The following ASB15 variants were observed in gnomAD, a reference collection of about 807,000 sequenced individuals.
ASB15 encodes the protein ankyrin repeat and SOCS box protein 15.
ASB15 carries 54 observed loss-of-function variants against 58.0 expected under a neutral mutation model. The observed-to-expected ratio is 0.93, with a 90% CI of 0.75 to 1.17. The LOEUF is 1.17. ASB15 is among the 50% of genes most tolerant of loss of function. The pLI is 0.00. For synonymous variants in ASB15, 249 were observed against 262.4 expected, an observed-to-expected ratio of 0.95 and a Z score of 0.50; for missense variants, 680 against 707.4, an observed-to-expected ratio of 0.96 and a Z score of 0.44.
At chr7:123,567,810 CT>C (rs1405662618) in intron 1 of ASB15, among the ~76,000 whole-genome samples, 5 of 151,574 alleles carry the variant, frequency 3.3e-5, no homozygotes, top group African/African-American at 1.2e-4. Flanking sequence ...CTCTCTCAAC[CT>C]TGGAAAGAAA....
chr7:123,622,326 C>G (rs1422281548), intron 7 of ASB15, among the ~76,000 whole-genome samples: 2 of 151,870 alleles, frequency 1.3e-5, no homozygotes, highest in East Asian at 3.9e-4. Flanking sequence ...TAAAACAAGA[C>G]ATTTTTAAAT....
intron 9 of ASB15, among the ~76,000 whole-genome samples, chr7:123,627,613 A>G (rs1321252319): frequency 1.3e-5 from 2 of 152,206 alleles, no homozygotes; most frequent in African/African-American, 2.4e-5. Context: ...TACAGTTTCT[A>G]AAAATTTTGC....
chr7:123,595,330 A>G (rs954292118), intron 1 of ASB15, among the ~76,000 whole-genome samples: 1 of 152,176 alleles, frequency 6.6e-6, no homozygotes, highest in Non-Finnish European at 1.5e-5. Context: ...GATCCCTTCA[A>G]CATGGCACAT....
At chr7:123,603,710 G>A (rs887527869) in intron 1 of ASB15, among the ~76,000 whole-genome samples, 1 of 152,022 alleles carries the variant, frequency 6.6e-6, no homozygotes, top group African/African-American at 2.4e-5. Flanking sequence ...TTTAGCAGAA[G>A]GAAATAAAGG....
At chr7:123,632,610 T>C (rs1802181157) in intron 11 of ASB15, among the ~76,000 whole-genome samples, 1 of 151,996 alleles carries the variant, frequency 6.6e-6, no homozygotes, top group Non-Finnish European at 1.5e-5. Context: ...TCCCCCTGAG[T>C]CCTCAAAGTC....
intron 1 of ASB15, among the ~76,000 whole-genome samples, chr7:123,585,827 G>C (rs987207316): frequency 6.6e-6 from 1 of 151,800 alleles, no homozygotes; most frequent in Non-Finnish European, 1.5e-5. Flanking sequence ...ATATCATGCA[G>C]TATTTGTCTT....
intron 6 of ASB15, among the ~76,000 whole-genome samples, chr7:123,617,020 T>A (rs1800861142): frequency 6.6e-6 from 1 of 152,136 alleles, no homozygotes; most frequent in African/African-American, 2.4e-5. Flanking sequence ...AATACAGTGT[T>A]TTCACATCTC....
At chr7:123,588,499 A>G (rs1297388697) in intron 1 of ASB15, among the ~76,000 whole-genome samples, 1 of 150,264 alleles carries the variant, frequency 6.7e-6, no homozygotes, top group Non-Finnish European at 1.5e-5. Flanking sequence ...TCTCTATTTC[A>G]TTTATTTTTG....
At chr7:123,626,886 C>T (rs1030826104) in intron 8 of ASB15, among the ~76,000 whole-genome samples, 12 of 151,958 alleles carry the variant, frequency 7.9e-5, no homozygotes, top group African/African-American at 2.2e-4. Context: ...TACAGGTGCA[C>T]GCCACCGTGC....
chr7:123,598,604 A>G (rs187192507), upstream of ASB15, among the ~76,000 whole-genome samples: 1 of 152,372 alleles, frequency 6.6e-6, no homozygotes, highest in Non-Finnish European at 1.5e-5. Context: ...CTGCGAACCC[A>G]TTTGAACAAG....
At chr7:123,580,091 G>A (rs1192816793) in intron 1 of ASB15, among the ~76,000 whole-genome samples, 1 of 152,022 alleles carries the variant, frequency 6.6e-6, no homozygotes, top group East Asian at 1.9e-4. Context: ...AATTCATGGA[G>A]ATGGAGAAGG....
chr7:123,591,084 A>G (rs990092079), intron 1 of ASB15, among the ~76,000 whole-genome samples: 11 of 151,906 alleles, frequency 7.2e-5, no homozygotes, highest in African/African-American at 2.4e-4. Context: ...GTTCACTCAT[A>G]ATTTGGCTCT....
At chr7:123,573,009 T>C (rs1798956889) in intron 1 of ASB15, among the ~76,000 whole-genome samples, 1 of 152,162 alleles carries the variant, frequency 6.6e-6, no homozygotes, top group African/African-American at 2.4e-5. Context: ...CGATCAGCTA[T>C]GTGTTTTTAA....
At chr7:123,597,088 G>A (rs1273726186), upstream of ASB15, among the ~76,000 whole-genome samples, 3 of 152,166 alleles carry the variant, frequency 2.0e-5, no homozygotes, top group African/African-American at 7.2e-5. Flanking sequence ...TGTTACCCTA[G>A]TCAAAAAATA....
intron 2 of ASB15, among the ~76,000 whole-genome samples, chr7:123,606,707 T>C (rs1800163192): frequency 6.6e-6 from 1 of 152,196 alleles, no homozygotes; most frequent in Non-Finnish European, 1.5e-5. Context: ...ATCACAATAT[T>C]TGTCTCTCTG....
chr7:123,620,784 G>T (rs1801271263), intron 7 of ASB15, among the ~76,000 whole-genome samples: 1 of 150,342 alleles, frequency 6.7e-6, no homozygotes, highest in African/African-American at 2.5e-5. Flanking sequence ...GGATGGTCTC[G>T]GTCTCCTGAC....
chr7:123,611,082 C>CAAA (rs34527165), intron 3 of ASB15, among the ~76,000 whole-genome samples: 59 of 81,722 alleles, frequency 7.2e-4, no homozygotes, highest in Non-Finnish European at 1.0e-3. Flanking sequence ...AACTCCATCT[C>CAAA]AAAAAAAAAA....
chr7:123,584,869 G>A (rs996456675), intron 1 of ASB15: 6 of 151,894 alleles, frequency 4.0e-5, no homozygotes, highest in Non-Finnish European at 7.4e-5. Context: ...TTTCCTGGGT[G>A]AGAGTCAATA....
At chr7:123,599,666 C>T (rs1024633139), upstream of ASB15, among the ~76,000 whole-genome samples, 9 of 152,176 alleles carry the variant, frequency 5.9e-5, no homozygotes, top group Non-Finnish European at 1.2e-4. Flanking sequence ...AAGGACAGTT[C>T]TTCTAACACC....
Sources: gnomAD v4.1 joint callset for allele counts (sites outside exome capture counted in the v4.1 genomes callset) on GRCh38, gnomAD v4.1.1 for gene constraint, MANE v1.5 for transcripts, NCBI Gene and HGNC (gene_info 2026-07-23, HGNC 2026-07-21) for gene names.